HIP1: variants seen among roughly 807,000 people sequenced by gnomAD.
HIP1 encodes huntingtin-interacting protein 1.
HIP1 carries 65 observed loss-of-function variants against 147.6 expected under a neutral mutation model. The ratio of observed to expected loss-of-function variants is 0.44; its 90% CI spans 0.36 to 0.54. The LOEUF is 0.54. Among genes scored for constraint, HIP1 ranks in the 20% least tolerant of loss-of-function variants. HIP1 has a pLI of 0.00. For synonymous variants in HIP1, 479 were observed against 504.0 expected (o/e 0.95, Z 0.67); for missense variants, 1,061 against 1,299.6 (o/e 0.82, Z 2.82).
In HIP1 at chr7:75,628,721, C is replaced by T. The variant is rs117644678; in HGVS notation, c.121-29474G>A. ...TTCAAATTCCTGACCTCAAGTGATC[C>T]ACCTGCCTTGGCCTCCCAAAGGGCC... On this transcript the variant is annotated intron_variant, in intron 1 of 30. Coordinates refer to ENST00000336926, the MANE Select transcript of HIP1 (RefSeq NM_005338.7). Among the ~76,000 whole-genome samples, 1,500 of 152,294 alleles carry T rather than the reference C, an allele frequency of 9.8e-3. 11 individuals carry two copies. Among genetic ancestry groups the T allele is most frequent in the Non-Finnish European group, 0.014 (972 of 68,034 alleles).
At position 75,534,399 on chromosome 7, in the gene HIP1, C is replaced by G. The variant is rs1418283384; in HGVS notation, c.*3773G>C. 3 of 198,358 alleles carry G rather than the reference C, an allele frequency of 1.5e-5. No homozygotes were observed. The highest frequency in any genetic ancestry group is 6.9e-5 in the African/African-American group (3 of 43,370). The allele number at this position is 198,358 out of a possible 1,614,324, so 12.3% of individuals were successfully genotyped here. A position where few individuals can be genotyped will look rare whatever the true frequency, so the allele number is the denominator to read the frequency against. The stretch of plus-strand genomic sequence containing the variant: ...TTGCTCAGATATAAAATAACCCTGC[C>G]AAGATGGCTCTTCTCTTCTATTTCT... On this transcript the variant is annotated 3_prime_UTR_variant, in exon 31 of 31. Coordinates refer to ENST00000336926, the MANE Select transcript of HIP1 (RefSeq NM_005338.7).
intron 1 of HIP1, among the ~76,000 whole-genome samples, chr7:75,731,432 G>A (rs1295318795): frequency 2.8e-5 from 4 of 142,684 alleles, no homozygotes; most frequent in East Asian, 2.2e-4. Flanking sequence ...GTAGTGAGCC[G>A]AGATGGCGCC....
chr7:75,630,959 T>C (rs972183992), intron 1 of HIP1, among the ~76,000 whole-genome samples: 1 of 152,168 alleles, frequency 6.6e-6, no homozygotes, highest in Admixed American at 6.5e-5. Flanking sequence ...TTTTGTATTT[T>C]ATCTTATTTT....
intron 1 of HIP1, among the ~76,000 whole-genome samples, chr7:75,630,314 C>T (rs1292913270): frequency 6.6e-6 from 1 of 151,412 alleles, no homozygotes; most frequent in Non-Finnish European, 1.5e-5. Flanking sequence ...CAAAAATCAG[C>T]CAGGTATGGT....
intron 1 of HIP1, among the ~76,000 whole-genome samples, chr7:75,622,307 T>G (rs1797869704): frequency 6.6e-6 from 1 of 151,840 alleles, no homozygotes; most frequent in South Asian, 2.1e-4. Flanking sequence ...TGAGCTACAT[T>G]TATAAATTTG....
At chr7:75,610,820 T>C (rs59704579) in intron 1 of HIP1, among the ~76,000 whole-genome samples, 55 of 149,408 alleles carry the variant, frequency 3.7e-4, no homozygotes, top group African/African-American at 1.3e-3. Context: ...CTGGGCAACA[T>C]GGTAAGATCC....
At chr7:75,621,947 C>T (rs1797859117) in intron 1 of HIP1, among the ~76,000 whole-genome samples, 1 of 152,200 alleles carries the variant, frequency 6.6e-6, no homozygotes, top group African/African-American at 2.4e-5. Context: ...CCCAGTGGAG[C>T]TGTGGGTGAG....
intron 1 of HIP1, among the ~76,000 whole-genome samples, chr7:75,688,373 G>C (rs528807809): frequency 2.4e-4 from 37 of 152,054 alleles, no homozygotes; most frequent in Admixed American, 1.1e-3. Context: ...AAGAACGGCC[G>C]GGGGCGCGCC....
chr7:75,599,470 T>G (rs886224653), intron 1 of HIP1, among the ~76,000 whole-genome samples: 58 of 152,336 alleles, frequency 3.8e-4, no homozygotes, highest in African/African-American at 1.3e-3. Context: ...CACCACTGCC[T>G]GGCATTGGCT....
intron 1 of HIP1, among the ~76,000 whole-genome samples, chr7:75,618,570 A>C (rs1797743372): frequency 6.6e-6 from 1 of 152,094 alleles, no homozygotes; most frequent in Non-Finnish European, 1.5e-5. Flanking sequence ...TACAGGCATG[A>C]GCCACCGCAC....
In HIP1 at chr7:75,657,296, C is replaced by T. The variant is rs191666879; in HGVS notation, c.121-58049G>A. Among the ~76,000 whole-genome samples, 310 of 152,086 alleles carry T rather than the reference C, an allele frequency of 2.0e-3. 1 individual carries two copies. Among genetic ancestry groups the T allele is most frequent in the African/African-American group, 7.0e-3 (290 of 41,494 alleles). On this transcript the variant is annotated intron_variant, in intron 1 of 30. Transcript: ENST00000336926. ...CTGTAATCCCAGCACTTTGGGAGGC[C>T]GAGGCGGGCAGATCACCTGAGGTCA...
intron 7 of HIP1, among the ~76,000 whole-genome samples, 196 bp downstream of exon 7, chr7:75,581,041 C>A (rs587722896): frequency 7.2e-5 from 11 of 152,228 alleles, no homozygotes; most frequent in African/African-American, 2.2e-4. Flanking sequence ...TGCACCCGGC[C>A]GAGACCTTGT....
rs1423006796 is a variant in HIP1 at position 75,553,459 on chromosome 7, G to A, written c.2289C>T (p.Ile763=). The A allele has an allele frequency of 1.7e-5, 28 of 1,613,778 alleles. No individual in the cohort carries two copies. The highest frequency in any genetic ancestry group is 1.9e-5 in the Non-Finnish European group (23 of 1,179,962). Residue 763 remains isoleucine (I), a synonymous_variant, in exon 22 of 31, where the codon ATC becomes ATT. Transcript: ENST00000336926. Reference sequence around the variant, plus strand: ...ATGATACTACTCCAAGTACCTCGCCGATGGCCTTGATCTTGCTCAGGCAGT... The same window carrying A: ...ATGATACTACTCCAAGTACCTCGCCAATGGCCTTGATCTTGCTCAGGCAGT... The part of the protein sequence containing the change: ...MRNCLSKIKA[I]GEELLPRGLD...
chr7:75,727,397 T>C (rs77548770), intron 1 of HIP1, among the ~76,000 whole-genome samples: 6,302 of 151,950 alleles, frequency 0.041, 143 homozygotes, highest in Middle Eastern at 0.068. Flanking sequence ...TGCCTGGCCT[T>C]TTCTTTCTTT....
rs1017424898 is a variant in HIP1 at position 75,610,768 on chromosome 7, C to G, written c.121-11521G>C. Among the ~76,000 whole-genome samples, 3 of 150,388 alleles carry G rather than the reference C, an allele frequency of 2.0e-5. No homozygotes were observed. In the Admixed American group the frequency reaches 2.0e-4, roughly 10 times the overall value. On this transcript the variant is annotated intron_variant, in intron 1 of 30. Transcript: ENST00000336926. ...CTGTAATCCCAGCACTTTGAGAGGC[C>G]GAGGCAGGAGGATCTCTTGAGACCA...
chr7:75,692,426 A>ATT (rs71082339), intron 1 of HIP1, among the ~76,000 whole-genome samples: 215 of 145,844 alleles, frequency 1.5e-3, no homozygotes, highest in African/African-American at 3.5e-3. Flanking sequence ...TACCTGGCTA[A>ATT]TTTTTTTTTT....
intron 1 of HIP1, among the ~76,000 whole-genome samples, chr7:75,610,729 A>T (rs1797402016): frequency 6.6e-6 from 1 of 150,952 alleles, no homozygotes; most frequent in African/African-American, 2.4e-5. Flanking sequence ...GAGGCCAGGC[A>T]TGGTGGCTCA....
intron 22 of HIP1, among the ~76,000 whole-genome samples, chr7:75,549,524 C>G (rs1377545160): frequency 2.6e-5 from 4 of 151,854 alleles, no homozygotes; most frequent in Non-Finnish European, 5.9e-5. Flanking sequence ...GTTTGCACCA[C>G]CATGCCCAGC....
Position 75,535,322 on chromosome 7 carries a change from T to C in HIP1, c.*2850A>G, listed in dbSNP as rs1009644627. On this transcript the variant is annotated 3_prime_UTR_variant, in exon 31 of 31. Transcript: ENST00000336926. The stretch of plus-strand genomic sequence containing the variant: ...GAGTGCAGTGGGAAATCATGGCTCA[T>C]TGCAGCCTCAAACTCCTGGGCTGGG... The C allele has an allele frequency of 1.2e-4, 23 of 196,100 alleles. No individual in the cohort carries two copies. The East Asian group carries it at 1.7e-3, about 14-fold the overall frequency. The allele number at this position is 196,100 out of a possible 1,614,324, so 12.1% of individuals were successfully genotyped here. A position where few individuals can be genotyped will look rare whatever the true frequency, so the allele number is the denominator to read the frequency against.
Sources: gnomAD v4.1 joint callset for allele counts (sites outside exome capture counted in the v4.1 genomes callset) on GRCh38, gnomAD v4.1.1 for gene constraint, MANE v1.5 for transcripts, NCBI Gene and HGNC (gene_info 2026-07-23, HGNC 2026-07-21) for gene names.